Variants in PBX1 observed in about 807,000 individuals in gnomAD.
The protein encoded by PBX1 is pre-B-cell leukemia transcription factor 1.
A neutral mutation model predicts 53.4 loss-of-function variants in PBX1; 6 were observed. The ratio of observed to expected loss-of-function variants is 0.11; its 90% confidence interval spans 0.06 to 0.22. The LOEUF is 0.22. Among genes scored for constraint, PBX1 ranks in the 10% least tolerant of loss-of-function variants. The pLI, the probability that PBX1 is intolerant of heterozygous loss-of-function variation, is 1.00. For synonymous variants in PBX1, 204 were observed against 212.3 expected (o/e 0.96, Z 0.34); for missense variants, 251 against 551.4 (o/e 0.46, Z 5.46).
intron 4 of PBX1, among the ~76,000 whole-genome samples, chr1:164,800,452 T>C (rs1404449881): frequency 6.6e-6 from 1 of 152,170 alleles, no homozygotes; most frequent in Non-Finnish European, 1.5e-5. Flanking sequence ...GGTTTGATGG[T>C]TTCCATCTGG....
intron 2 of PBX1, among the ~76,000 whole-genome samples, chr1:164,596,250 G>T (rs377531011): frequency 4.6e-5 from 7 of 152,212 alleles, no homozygotes; most frequent in African/African-American, 1.7e-4. Context: ...TACAAATTCA[G>T]GTTTGAATCC....
At chr1:164,865,733 T>C (rs935759175) in intron 2 of PBX1, among the ~76,000 whole-genome samples, 1 of 152,194 alleles carries the variant, frequency 6.6e-6, no homozygotes, top group Non-Finnish European at 1.5e-5. Flanking sequence ...CACCTCATAC[T>C]TAATTTTTTT....
chr1:164,605,084 G>A (rs1656461920), intron 2 of PBX1: 1 of 152,072 alleles, frequency 6.6e-6, no homozygotes, highest in Non-Finnish European at 1.5e-5. Flanking sequence ...CTAGTCCAGG[G>A]TATTAAATGC....
At chr1:164,842,019 G>A (rs1251565510) in intron 8 of PBX1, among the ~76,000 whole-genome samples, 1 of 152,212 alleles carries the variant, frequency 6.6e-6, no homozygotes, top group East Asian at 1.9e-4. Context: ...TGCTTGGGCT[G>A]TCACATCAGG....
At chr1:164,561,756 A>G (rs918305393) in intron 1 of PBX1, among the ~76,000 whole-genome samples, 1 of 152,162 alleles carries the variant, frequency 6.6e-6, no homozygotes, top group Non-Finnish European at 1.5e-5. Flanking sequence ...GAGATCAGAT[A>G]CAATTTTGGG....
At chr1:164,764,961 T>C (rs1024948331) in intron 2 of PBX1, among the ~76,000 whole-genome samples, 1 of 152,184 alleles carries the variant, frequency 6.6e-6, no homozygotes, top group Non-Finnish European at 1.5e-5. Flanking sequence ...TTTATTATAA[T>C]TCTCCTGTGA....
At chr1:164,755,920 C>T (rs1000237726) in intron 2 of PBX1, among the ~76,000 whole-genome samples, 3 of 151,210 alleles carry the variant, frequency 2.0e-5, no homozygotes, top group Admixed American at 6.6e-5. Context: ...TGGCAGGGTG[C>T]CAGGGTTTTA....
At chr1:164,750,887 A>G (rs1291806126) in intron 2 of PBX1, among the ~76,000 whole-genome samples, 2 of 152,160 alleles carry the variant, frequency 1.3e-5, no homozygotes. Context: ...AAATTTAGCT[A>G]CTTCAGGCCT....
intron 2 of PBX1, among the ~76,000 whole-genome samples, chr1:164,715,065 A>G (rs947997006): frequency 6.6e-6 from 1 of 151,918 alleles, no homozygotes; most frequent in Non-Finnish European, 1.5e-5. Context: ...CATCCATCTC[A>G]GTATTTCCCA....
chr1:164,681,462 A>AAT (rs1292746934), intron 2 of PBX1, among the ~76,000 whole-genome samples: 1 of 152,210 alleles, frequency 6.6e-6, no homozygotes, highest in Non-Finnish European at 1.5e-5. Context: ...GACTTTTGAT[A>AAT]TATTAAGATA....
chr1:164,601,883 T>A (rs1042667670), intron 2 of PBX1, among the ~76,000 whole-genome samples: 1 of 152,150 alleles, frequency 6.6e-6, no homozygotes, highest in Non-Finnish European at 1.5e-5. Context: ...CTGCCCTCCG[T>A]TTCAGACAGA....
intron 2 of PBX1, among the ~76,000 whole-genome samples, chr1:164,572,191 G>A (rs1179703790): frequency 6.6e-6 from 1 of 151,832 alleles, no homozygotes; most frequent in Non-Finnish European, 1.5e-5. Flanking sequence ...ACAGGTGTGA[G>A]GCACCGCGCC....
At chr1:164,753,439 AGTT>A (rs1666333928) in intron 2 of PBX1, among the ~76,000 whole-genome samples, 1 of 152,036 alleles carries the variant, frequency 6.6e-6, no homozygotes, top group Admixed American at 6.6e-5. Context: ...GGGTTTTGGT[AGTT>A]GTTGTTTCTC....
downstream of PBX1, among the ~76,000 whole-genome samples, chr1:164,852,877 A>G (rs746802240): frequency 3.3e-5 from 5 of 152,188 alleles, no homozygotes; most frequent in African/African-American, 2.4e-5. Context: ...AAATCTAAAC[A>G]TTGGAATATA....
At chr1:164,560,223 T>A in intron 1 of PBX1, 1 of 489,968 alleles carries the variant, frequency 2.0e-6, no homozygotes, top group Non-Finnish European at 3.6e-6. Context: ...GATGTGGCTG[T>A]GTACATATTT....
chr1:164,847,509 T>TTAAAA lies in PBX1; in HGVS notation c.*835_*836insAAATA, dbSNP rs1271325952. On this transcript the variant is annotated 3_prime_UTR_variant, in exon 9 of 9. Coordinates refer to ENST00000420696, the MANE Select transcript of PBX1 (RefSeq NM_002585.4). ...CCATTCAGCACTGAGAAAGCAATAT[T>TTAAAA]TAGAACCTATTGCAAAACTGGGCCT... 9.4e-7 allele frequency: 1 copy of TTAAAA among 1,061,604 alleles called. No homozygotes were observed. The highest frequency in any genetic ancestry group is 5.4e-5 in the Admixed American group (1 of 18,558). The allele number at this position is 1,061,604 out of a possible 1,614,324, so 65.8% of individuals were successfully genotyped here. A position where few individuals can be genotyped will look rare whatever the true frequency, so the allele number is the denominator to read the frequency against.
rs1471211373 is a variant in PBX1 at position 164,851,729 on chromosome 1, G to A, written c.*5053G>A. ...CCCTTTTGATTCCAACTGAACTTTT[G>A]TGTTCTCTAATGATACTAACACGGT... is the stretch of plus-strand genomic sequence containing the variant. On this transcript the variant is annotated 3_prime_UTR_variant, in exon 9 of 9. Transcript: ENST00000420696. 4 of 179,884 alleles carry A rather than the reference G, an allele frequency of 2.2e-5. No homozygotes were observed. Among genetic ancestry groups the A allele is most frequent in the African/African-American group, 7.1e-5 (3 of 42,294 alleles). The allele number at this position is 179,884 out of a possible 1,614,324, so 11.1% of individuals were successfully genotyped here.
At chr1:164,564,381 T>C (rs540733281) in intron 2 of PBX1, among the ~76,000 whole-genome samples, 3 of 152,262 alleles carry the variant, frequency 2.0e-5, no homozygotes, top group East Asian at 1.9e-4. Flanking sequence ...TTGGTTGATA[T>C]ACATTGATAG....
intron 2 of PBX1, among the ~76,000 whole-genome samples, chr1:164,578,634 G>A (rs1384780495): frequency 6.6e-6 from 1 of 152,146 alleles, no homozygotes; most frequent in African/African-American, 2.4e-5. Flanking sequence ...TGTGACATGG[G>A]CAGGTCCATC....
Sources: allele counts gnomAD v4.1 joint callset (sites outside exome capture counted in the v4.1 genomes callset), GRCh38; gene constraint gnomAD v4.1.1; transcripts MANE v1.5; gene names NCBI Gene and HGNC (gene_info 2026-07-23, HGNC 2026-07-21).